The following ATP10B variants were observed in gnomAD, a reference collection of about 807,000 sequenced individuals.
ATP10B encodes the protein ATPase phospholipid transporting 10B (putative).
A neutral mutation model predicts 141.2 loss-of-function variants in ATP10B; 122 were observed. The observed-to-expected ratio is 0.86, with a 90% confidence interval of 0.75 to 1.00. The LOEUF (loss-of-function observed/expected upper bound fraction) is 1.00. Ranked by LOEUF, ATP10B falls within the 50% of genes least tolerant of loss-of-function variation. The pLI, the probability that ATP10B is intolerant of heterozygous loss-of-function variation, is 0.00. For missense variants in ATP10B, 1,876 were observed against 1,825.3 expected, an observed-to-expected ratio of 1.03 and a Z score of -0.51; for synonymous variants, 685 against 692.0, an observed-to-expected ratio of 0.99 and a Z score of 0.16.
intron 3 of ATP10B, among the ~76,000 whole-genome samples, chr5:160,705,000 A>G (rs114592061): frequency 0.01 from 1,445 of 142,990 alleles, 25 homozygotes; most frequent in African/African-American, 0.037. Context: ...CTCACTGAAA[A>G]TTCCATCTTC....
In ATP10B at chr5:160,717,038, T is replaced by A; in HGVS notation, c.-330-4A>T. 1.0e-6 allele frequency: 1 copy of A among 985,398 alleles called. No individual in the cohort carries two copies. The highest frequency in any genetic ancestry group is 4.7e-5 in the South Asian group (1 of 21,284). 61.0% of individuals were successfully genotyped at this position (985,398 alleles called of 1,614,324 possible). On this transcript the variant is annotated splice_polypyrimidine_tract_variant and splice_region_variant and intron_variant, in intron 2 of 25. Coordinates refer to ENST00000327245, the MANE Select transcript of ATP10B (RefSeq NM_025153.3). ...TGATCAGAATAAATTGCAAGTTCTG[T>A]AAGCAAGAAAAGAAAATATTGAGTA...
intron 22 of ATP10B, among the ~76,000 whole-genome samples, chr5:160,597,994 C>T (rs1756833131): frequency 7.5e-6 from 1 of 132,856 alleles, no homozygotes; most frequent in Admixed American, 7.8e-5. Flanking sequence ...GGGGATTCCT[C>T]AGGGATATAG....
the ATP10B span, among the ~76,000 whole-genome samples, chr5:160,871,008 A>AAATACAGGAGAAATAAT: frequency 2.1e-4 from 3 of 14,316 alleles, no homozygotes; most frequent in African/African-American, 3.9e-4. Context: ...GGAGAAATAA[A>AAATACAGGAGAAATAAT]GCCTTTCTCA....
Position 160,766,486 on chromosome 5 carries a change from T to C in ATP10B, c.-331+19073A>G, listed in dbSNP as rs115611936. 3.9e-3 allele frequency among the ~76,000 whole-genome samples: 591 copies of C among 152,104 alleles called. 4 individuals are homozygous for C. The highest frequency in any genetic ancestry group is 0.014 in the African/African-American group (577 of 41,488). ...GAGAACATTATTCTAAGTAGGTAACTCGGTAATGGAAAATCAAATGTTGTA... is the reference window on the plus strand; with the variant it reads ...GAGAACATTATTCTAAGTAGGTAACCCGGTAATGGAAAATCAAATGTTGTA... On this transcript the variant is annotated intron_variant, in intron 2 of 25. Coordinates refer to ENST00000327245, the MANE Select transcript of ATP10B (RefSeq NM_025153.3).
In ATP10B at chr5:160,688,015, G is replaced by A. The variant is rs759443000; in HGVS notation, c.60C>T (p.Phe20=). The A allele has an allele frequency of 4.3e-6, 7 of 1,613,946 alleles. No homozygotes were observed. Among genetic ancestry groups the A allele is most frequent in the Admixed American group, 1.7e-5 (1 of 60,012 alleles). ...GTGTGGTTTCCGATGGACAATGGGG[G>A]AAGCCATCTCTGACTCTCCACTGCC... ...HRWQWRVRDG[F]PHCPSETTPL... Residue 20 remains phenylalanine (F), a synonymous_variant, in exon 5 of 26, where the codon TTC becomes TTT. Coordinates refer to ENST00000327245, the MANE Select transcript of ATP10B (RefSeq NM_025153.3).
Position 160,828,443 on chromosome 5 carries a change from G to A in ATP10B, c.-576+23498C>T, listed in dbSNP as rs1444157074. On this transcript the variant is annotated intron_variant, in intron 1 of 25. Transcript: ENST00000327245. ...AAAGAAGACATTGATGCAGCCAAAAGACACATAAAAAAATGCTCATCATCA... is the reference window on the plus strand; with the variant it reads ...AAAGAAGACATTGATGCAGCCAAAAAACACATAAAAAAATGCTCATCATCA... Among the ~76,000 whole-genome samples the A allele has an allele frequency of 1.2e-4, 19 of 152,188 alleles. No homozygotes were observed. The South Asian group carries it at 3.5e-3, about 28-fold the overall frequency.
chr5:160,687,853 G>A lies in ATP10B; in HGVS notation c.222C>T (p.Thr74=), dbSNP rs763027730. 6.2e-7 allele frequency: 1 copy of A among 1,614,136 alleles called. No individual in the cohort carries two copies. Among genetic ancestry groups the A allele is most frequent in the Non-Finnish European group, 8.5e-7 (1 of 1,180,014 alleles). Residue 74 remains threonine (T), a synonymous_variant, in exon 5 of 26, where the codon ACC becomes ACT. Transcript: ENST00000327245. ...GCAGGAAGGTGAAGAGGGTGTATTT[G>A]GTTGTGCAGGTTCTGTTGCCAGGGT... ...RRYPGNRTCT[T]KYTLFTFLPR...
intron 7 of ATP10B, among the ~76,000 whole-genome samples, chr5:160,652,839 T>C (rs1333618432): frequency 1.0e-5 from 1 of 98,906 alleles, no homozygotes; most frequent in African/African-American, 4.1e-5. Flanking sequence ...ATATAATATA[T>C]ATTATAAAAA....
chr5:160,634,111 A>G (rs1759155974), intron 12 of ATP10B: 2 of 626,018 alleles, frequency 3.2e-6, no homozygotes, highest in Non-Finnish European at 5.8e-6. Flanking sequence ...CCAGACAAAG[A>G]TCAGCTGAAG....
chr5:160,823,791 G>T (rs1407640688), intron 1 of ATP10B, among the ~76,000 whole-genome samples: 1 of 151,982 alleles, frequency 6.6e-6, no homozygotes, highest in Non-Finnish European at 1.5e-5. Context: ...CTGAGATCGC[G>T]GCGCTGCACT....
chr5:160,757,793 G>T (rs1222134376), intron 2 of ATP10B, among the ~76,000 whole-genome samples: 1 of 152,176 alleles, frequency 6.6e-6, no homozygotes, highest in Admixed American at 6.5e-5. Context: ...TTGTGTGGCT[G>T]CAGAACAGGA....
At chr5:160,676,972 C>T (rs920882198) in intron 6 of ATP10B, among the ~76,000 whole-genome samples, 5 of 152,140 alleles carry the variant, frequency 3.3e-5, no homozygotes, top group East Asian at 1.9e-4. Context: ...AGCATGGTCT[C>T]GTGGCTCTGT....
At chr5:160,906,320 T>TG in the ATP10B span, among the ~76,000 whole-genome samples, 5 of 151,650 alleles carry the variant, frequency 3.3e-5, no homozygotes, top group African/African-American at 1.2e-4. Flanking sequence ...AAGCAGCCTC[T>TG]GGGAAAAAAA....
intron 3 of ATP10B, among the ~76,000 whole-genome samples, chr5:160,695,088 A>T (rs144901337): frequency 4.5e-4 from 68 of 152,372 alleles, no homozygotes; most frequent in African/African-American, 1.5e-3. Flanking sequence ...AGGGAGGAAC[A>T]GGAAACAGAA....
At chr5:160,724,105 C>A (rs1164249854) in intron 2 of ATP10B, among the ~76,000 whole-genome samples, 1 of 152,016 alleles carries the variant, frequency 6.6e-6, no homozygotes, top group Non-Finnish European at 1.5e-5. Context: ...AGGGGAAGAA[C>A]ATACACTGGG....
intron 2 of ATP10B, among the ~76,000 whole-genome samples, chr5:160,721,404 G>T (rs1011222416): frequency 2.0e-5 from 3 of 152,210 alleles, no homozygotes; most frequent in African/African-American, 7.2e-5. Flanking sequence ...TGTCACAAGT[G>T]TCACTGCATA....
chr5:160,736,687 G>C (rs975692191), intron 2 of ATP10B, among the ~76,000 whole-genome samples: 1 of 152,160 alleles, frequency 6.6e-6, no homozygotes, highest in Non-Finnish European at 1.5e-5. Flanking sequence ...TTGAACCTGG[G>C]GGGCAGAGGT....
chr5:160,663,639 T>C (rs1206213447), intron 7 of ATP10B, among the ~76,000 whole-genome samples: 1 of 149,888 alleles, frequency 6.7e-6, no homozygotes, highest in Non-Finnish European at 1.5e-5. Context: ...GGGCCTGTTG[T>C]GGGGTGGGGA....
At chr5:160,570,381 T>C in intron 24 of ATP10B, among the ~76,000 whole-genome samples, 1 of 152,232 alleles carries the variant, frequency 6.6e-6, no homozygotes, top group East Asian at 1.9e-4. Flanking sequence ...ATTGTTCTTT[T>C]AAACATATTG....
Sources: gnomAD v4.1 joint callset for allele counts (sites outside exome capture counted in the v4.1 genomes callset) on GRCh38, gnomAD v4.1.1 for gene constraint, MANE v1.5 for transcripts, NCBI Gene and HGNC (gene_info 2026-07-23, HGNC 2026-07-21) for gene names.